ERC2: variants seen among roughly 807,000 people sequenced by gnomAD.
ERC2 encodes the protein ERC protein 2.
Under a neutral mutation model 114.8 loss-of-function variants are expected in ERC2, and 42 were observed. That is an observed-to-expected ratio of 0.37 (90% confidence interval 0.29 to 0.47). ERC2 has a LOEUF of 0.47. Ranked by LOEUF, ERC2 falls within the 20% of genes least tolerant of loss-of-function variation. The pLI is 0.99. For synonymous variants in ERC2, 454 were observed against 425.5 expected (o/e 1.07, Z -0.82); for missense variants, 939 against 1,150.7 (o/e 0.82, Z 2.66).
At chr3:56,200,462 A>C (rs755380586) in intron 3 of ERC2, among the ~76,000 whole-genome samples, 3 of 152,132 alleles carry the variant, frequency 2.0e-5, no homozygotes, top group Non-Finnish European at 4.4e-5. Flanking sequence ...CCCTCACCCA[A>C]CTGTGAATCA....
At chr3:56,444,364 G>A (rs1216969052) in intron 1 of ERC2, among the ~76,000 whole-genome samples, 2 of 151,994 alleles carry the variant, frequency 1.3e-5, no homozygotes, top group Non-Finnish European at 2.9e-5. Context: ...AATAAATGTT[G>A]CTGACATCAA....
intron 4 of ERC2, among the ~76,000 whole-genome samples, chr3:56,158,067 G>A (rs2081835419): frequency 8.4e-6 from 1 of 119,288 alleles, no homozygotes; most frequent in Non-Finnish European, 1.9e-5. Context: ...ACAAAGCTAA[G>A]ATTTAAACTT....
At chr3:56,416,788 G>T (rs1429286351) in intron 2 of ERC2, among the ~76,000 whole-genome samples, 1 of 152,010 alleles carries the variant, frequency 6.6e-6, no homozygotes, top group Non-Finnish European at 1.5e-5. Flanking sequence ...ATACAGGCAG[G>T]AAGTTTTTTT....
chr3:55,861,970 T>TA (rs898558251), intron 14 of ERC2, among the ~76,000 whole-genome samples: 4 of 152,266 alleles, frequency 2.6e-5, no homozygotes, highest in Non-Finnish European at 5.9e-5. Context: ...CAGCCAGTGT[T>TA]AAACATCACT....
At chr3:56,232,773 T>C (rs1432025429) in intron 3 of ERC2, among the ~76,000 whole-genome samples, 2 of 152,184 alleles carry the variant, frequency 1.3e-5, no homozygotes, top group African/African-American at 2.4e-5. Context: ...CCCACTGTAT[T>C]TACATCCAAG....
intron 14 of ERC2, among the ~76,000 whole-genome samples, chr3:55,790,515 G>A (rs1295887456): frequency 6.6e-6 from 1 of 152,096 alleles, no homozygotes; most frequent in Non-Finnish European, 1.5e-5. Flanking sequence ...GCTTCTTCTT[G>A]GCATGCCCTG....
chr3:55,673,954 C>T (rs2061673912), intron 17 of ERC2, among the ~76,000 whole-genome samples: 1 of 151,966 alleles, frequency 6.6e-6, no homozygotes, highest in African/African-American at 2.4e-5. Flanking sequence ...CACGCTGACT[C>T]AGGGCAATCA....
intron 2 of ERC2, among the ~76,000 whole-genome samples, chr3:56,374,582 G>A (rs189508335): frequency 3.3e-5 from 5 of 152,230 alleles, no homozygotes; most frequent in Non-Finnish European, 7.4e-5. Context: ...ATTTACAGAT[G>A]AGAAAACTGA....
chr3:56,070,136 A>C (rs1198354006), intron 7 of ERC2, among the ~76,000 whole-genome samples: 1 of 152,238 alleles, frequency 6.6e-6, no homozygotes, highest in Non-Finnish European at 1.5e-5. Flanking sequence ...TATGTGTAAA[A>C]TTCTTCACAG....
intron 17 of ERC2, among the ~76,000 whole-genome samples, chr3:55,606,318 T>A (rs1465258806): frequency 6.6e-6 from 1 of 152,308 alleles, no homozygotes; most frequent in East Asian, 1.9e-4. Flanking sequence ...ATTCAGTAGT[T>A]ACTCTGGATC....
At chr3:55,660,199 C>G (rs2061063281) in intron 17 of ERC2, among the ~76,000 whole-genome samples, 1 of 152,172 alleles carries the variant, frequency 6.6e-6, no homozygotes, top group South Asian at 2.1e-4. Flanking sequence ...GTACATGCAA[C>G]TGAGAGCAAA....
intron 2 of ERC2, among the ~76,000 whole-genome samples, chr3:56,424,658 G>C (rs2061500965): frequency 1.3e-5 from 2 of 152,138 alleles, no homozygotes; most frequent in South Asian, 4.1e-4. Flanking sequence ...TCTCTGAAAG[G>C]CATTTAAAAT....
intron 14 of ERC2, among the ~76,000 whole-genome samples, chr3:55,887,065 CA>C (rs1376929523): frequency 6.6e-6 from 1 of 152,176 alleles, no homozygotes; most frequent in African/African-American, 2.4e-5. Context: ...TTAATGAGTT[CA>C]CATAAACTCC....
intron 13 of ERC2, among the ~76,000 whole-genome samples, chr3:55,942,182 G>A (rs968530816): frequency 2.0e-4 from 30 of 150,708 alleles, no homozygotes; most frequent in African/African-American, 6.8e-4. Flanking sequence ...CTAGGATCGT[G>A]GGCAGGTCAT....
At chr3:55,713,841 A>T in intron 15 of ERC2, among the ~76,000 whole-genome samples, 1 of 152,182 alleles carries the variant, frequency 6.6e-6, no homozygotes, top group East Asian at 1.9e-4. Flanking sequence ...GTGGTAAAAA[A>T]GCTATTCATA....
intron 13 of ERC2, among the ~76,000 whole-genome samples, chr3:55,943,137 C>T (rs979996095): frequency 6.6e-6 from 1 of 152,060 alleles, no homozygotes; most frequent in Non-Finnish European, 1.5e-5. Flanking sequence ...CTAGACTGGC[C>T]CTTTTGATGC....
chr3:56,462,782 C>A (rs548052085), intron 1 of ERC2, among the ~76,000 whole-genome samples: 2 of 152,112 alleles, frequency 1.3e-5, no homozygotes, highest in Non-Finnish European at 2.9e-5. Context: ...GGAGTATGTG[C>A]GGCTGCAAGT....
intron 14 of ERC2, among the ~76,000 whole-genome samples, chr3:55,828,328 T>C (rs2060417616): frequency 6.6e-6 from 1 of 152,186 alleles, no homozygotes; most frequent in South Asian, 2.1e-4. Context: ...TAAAAATTCC[T>C]GGGGAAACCT....
At chr3:55,972,230 G>C (rs1364758851) in intron 12 of ERC2, among the ~76,000 whole-genome samples, 1 of 152,126 alleles carries the variant, frequency 6.6e-6, no homozygotes, top group Non-Finnish European at 1.5e-5. Context: ...ACATGGAGCT[G>C]GGAAATGATA....
Sources: gnomAD v4.1 joint callset for allele counts (sites outside exome capture counted in the v4.1 genomes callset) on GRCh38, gnomAD v4.1.1 for gene constraint, MANE v1.5 for transcripts, NCBI Gene and HGNC (gene_info 2026-07-23, HGNC 2026-07-21) for gene names.